Variants in MYBL1 observed in about 807,000 individuals in gnomAD.
MYBL1 encodes myb-related protein A.
In MYBL1, 17 loss-of-function variants were observed where a neutral mutation model predicts 96.3. The observed-to-expected ratio is 0.18, with a 90% confidence interval of 0.12 to 0.26. The LOEUF is 0.26. Ranked by LOEUF, MYBL1 falls within the 10% of genes least tolerant of loss-of-function variation. MYBL1 has a pLI of 1.00. For missense variants in MYBL1, 701 were observed against 882.9 expected, an observed-to-expected ratio of 0.79 and a Z score of 2.61; for synonymous variants, 282 against 292.7, an observed-to-expected ratio of 0.96 and a Z score of 0.37.
chr8:66,610,460 T>C (rs569637216), intron 1 of MYBL1, among the ~76,000 whole-genome samples: 30 of 152,036 alleles, frequency 2.0e-4, no homozygotes, highest in Non-Finnish European at 3.8e-4. Context: ...TTTACGCCTA[T>C]GCTCTTAGGC....
intron 14 of MYBL1, 23 bp downstream of exon 14, chr8:66,566,661 A>G (rs1808515086): frequency 6.8e-7 from 1 of 1,475,492 alleles, no homozygotes; most frequent in South Asian, 1.2e-5. Flanking sequence ...TTAAAATAAC[A>G]ACAATAATAA....
intron 14 of MYBL1, 50 bp from the exon 15 acceptor site, chr8:66,566,293 A>G: frequency 8.8e-7 from 1 of 1,135,084 alleles, no homozygotes; most frequent in Non-Finnish European, 1.2e-6. Context: ...AAATGGAGAC[A>G]AATGGAGGGA....
At chr8:66,591,712 T>C (rs1225733731) in intron 8 of MYBL1, among the ~76,000 whole-genome samples, 4 of 152,122 alleles carry the variant, frequency 2.6e-5, no homozygotes, top group Non-Finnish European at 5.9e-5. Context: ...AAAAATAATT[T>C]TGGAGCTCAT....
Position 66,587,673 on chromosome 8 carries a change from T to C in MYBL1, c.867+4767A>G, listed in dbSNP as rs112535837. Among the ~76,000 whole-genome samples the C allele has an allele frequency of 5.7e-3, 867 of 152,302 alleles. 8 individuals carry two copies. Among genetic ancestry groups the C allele is most frequent in the African/African-American group, 0.019 (775 of 41,566 alleles). The stretch of plus-strand genomic sequence containing the variant: ...ATCTTTTTCTCACCCGCATACCAAC[T>C]GAAAGGTATGTGGTTTGGAGGGAAC... On this transcript the variant is annotated intron_variant, in intron 8 of 15. Coordinates refer to ENST00000522677, the MANE Select transcript of MYBL1 (RefSeq NM_001080416.4).
At chr8:66,565,654 C>T (rs1458932730) in intron 15 of MYBL1, 1 of 153,216 alleles carries the variant, frequency 6.5e-6, no homozygotes, top group Non-Finnish European at 1.5e-5. Context: ...CTTTGTTTTA[C>T]AACTTCTGAG....
At chr8:66,584,224 A>C (rs1315066266) in intron 8 of MYBL1, among the ~76,000 whole-genome samples, 4 of 152,208 alleles carry the variant, frequency 2.6e-5, no homozygotes, top group Non-Finnish European at 5.9e-5. Flanking sequence ...TAGAAAAAAC[A>C]CACAATAAAG....
chr8:66,573,545 A>T, intron 10 of MYBL1, 39 bp from the exon 11 acceptor site: 1 of 1,511,564 alleles, frequency 6.6e-7, no homozygotes, highest in Non-Finnish European at 8.9e-7. Flanking sequence ...CTTCTAGAAC[A>T]TCAAAATCCC....
intron 1 of MYBL1, among the ~76,000 whole-genome samples, chr8:66,608,204 C>T (rs1810395895): frequency 6.6e-6 from 1 of 152,096 alleles, no homozygotes; most frequent in African/African-American, 2.4e-5. Flanking sequence ...TTACTTTTTA[C>T]CCACATACTT....
In MYBL1 at chr8:66,602,398, A is replaced by G. The variant is rs1810110811; in HGVS notation, c.126+20T>C. The G allele has an allele frequency of 6.5e-7, 1 of 1,526,810 alleles. No homozygotes were observed. The highest frequency in any genetic ancestry group is 8.9e-7 in the Non-Finnish European group (1 of 1,119,196). The allele number at this position is 1,526,810 out of a possible 1,614,324, so 94.6% of individuals were successfully genotyped here. ...CAATAAATACATGTAAGAAACTATG[A>G]AACCTTGTCAGATAATTACCTCGTC... On this transcript the variant is annotated intron_variant, in intron 2 of 15. Transcript: ENST00000522677.
intron 12 of MYBL1, among the ~76,000 whole-genome samples, chr8:66,567,214 C>G (rs1431392572): frequency 6.6e-6 from 1 of 152,090 alleles, no homozygotes; most frequent in Non-Finnish European, 1.5e-5. Flanking sequence ...GGCTACTAAA[C>G]AAAAATCTTC....
At chr8:66,583,277 A>G (rs1338116421) in intron 8 of MYBL1, among the ~76,000 whole-genome samples, 1 of 152,154 alleles carries the variant, frequency 6.6e-6, no homozygotes, top group East Asian at 1.9e-4. Context: ...AAACCAAAAC[A>G]TTTCTGGAAA....
At position 66,580,120 on chromosome 8, in the gene MYBL1, A is replaced by AT. The variant is rs1563534702; in HGVS notation, c.1101+12dup. 1.3e-6 allele frequency: 2 copies of AT among 1,567,672 alleles called. No homozygotes were observed. The highest frequency in any genetic ancestry group is 1.7e-6 in the Non-Finnish European group (2 of 1,143,206). On this transcript the variant is annotated intron_variant, in intron 9 of 15. Coordinates refer to ENST00000522677, the MANE Select transcript of MYBL1 (RefSeq NM_001080416.4). ...AAATTGAACTTTTGATAATCTTACA[A>AT]TTTTTTACTTACAGATTCAATAAGT...
At chr8:66,570,405 G>A (rs988116721) in intron 12 of MYBL1, among the ~76,000 whole-genome samples, 8 of 151,246 alleles carry the variant, frequency 5.3e-5, no homozygotes, top group African/African-American at 1.9e-4. Flanking sequence ...CACTTCCCAG[G>A]CTCAAACAAA....
intron 9 of MYBL1, 54 bp from the exon 10 acceptor site, chr8:66,576,429 C>G: frequency 6.6e-7 from 1 of 1,509,400 alleles, no homozygotes. Context: ...GTTAAATCTG[C>G]TCTTGAACAC....
intron 8 of MYBL1, among the ~76,000 whole-genome samples, chr8:66,587,093 G>A (rs1809450588): frequency 6.6e-6 from 1 of 152,070 alleles, no homozygotes; most frequent in African/African-American, 2.4e-5. Context: ...TTGGTTAATG[G>A]ATATATAAGT....
chr8:66,613,120 G>C lies in MYBL1; in HGVS notation c.-282C>G. 2.5e-6 allele frequency: 1 copy of C among 403,322 alleles called. No homozygotes were observed. 25.0% of individuals were successfully genotyped at this position (403,322 alleles called of 1,614,324 possible). On this transcript the variant is annotated 5_prime_UTR_variant, in exon 1 of 16. Coordinates refer to ENST00000522677, the MANE Select transcript of MYBL1 (RefSeq NM_001080416.4). ...GGAGGCGCGATCCCGCCCTCCGCCG[G>C]CTTCTCCCGCCGCTTGTCAGCCTCC... is the stretch of plus-strand genomic sequence containing the variant.
Position 66,612,911 on chromosome 8 carries a change from C to T in MYBL1, c.-73G>A. The T allele has an allele frequency of 7.6e-7, 1 of 1,313,730 alleles. No individual in the cohort carries two copies. Among genetic ancestry groups the T allele is most frequent in the South Asian group, 2.7e-5 (1 of 37,552 alleles). 81.4% of individuals were successfully genotyped at this position (1,313,730 alleles called of 1,614,324 possible). A position where few individuals can be genotyped will look rare whatever the true frequency, so the allele number is the denominator to read the frequency against. On this transcript the variant is annotated 5_prime_UTR_variant, in exon 1 of 16. Coordinates refer to ENST00000522677, the MANE Select transcript of MYBL1 (RefSeq NM_001080416.4). ...CTCCTCCAGCCTCCGGCGAATGCTC[C>T]TTCTCCCCGATCCTCTAGCCGCTTC...
At chr8:66,604,784 A>G (rs1027930534) in intron 1 of MYBL1, among the ~76,000 whole-genome samples, 4 of 152,220 alleles carry the variant, frequency 2.6e-5, no homozygotes, top group Non-Finnish European at 4.4e-5. Flanking sequence ...CAACTGATAG[A>G]TGAGGGACAT....
chr8:66,563,367 A>G lies in MYBL1; in HGVS notation c.*1330T>C, dbSNP rs539471212. On this transcript the variant is annotated 3_prime_UTR_variant, in exon 16 of 16. Transcript: ENST00000522677. The stretch of plus-strand genomic sequence containing the variant: ...GTGTTTAAGTTGACAGCACACCATT[A>G]TATGACTGAAAAAAAATTACATATA... 156 of 152,708 alleles carry G rather than the reference A, an allele frequency of 1.0e-3. No homozygotes were observed. Among genetic ancestry groups the G allele is most frequent in the Admixed American group, 2.2e-3 (33 of 15,292 alleles). 9.5% of individuals were successfully genotyped at this position (152,708 alleles called of 1,614,324 possible).
Sources: allele counts gnomAD v4.1 joint callset (sites outside exome capture counted in the v4.1 genomes callset), GRCh38; gene constraint gnomAD v4.1.1; transcripts MANE v1.5; gene names NCBI Gene and HGNC (gene_info 2026-07-23, HGNC 2026-07-21).